The following TPTE variants were observed in gnomAD, a reference collection of about 807,000 sequenced individuals.
TPTE encodes putative tyrosine-protein phosphatase TPTE.
Under a neutral mutation model 84.1 loss-of-function variants are expected in TPTE, and 59 were observed. That is an observed-to-expected ratio of 0.70 (90% CI 0.57 to 0.87). TPTE has a LOEUF of 0.87. TPTE is among the 40% of genes least tolerant of loss of function. The pLI, the probability that TPTE is intolerant of heterozygous loss-of-function variation, is 0.00. For synonymous variants in TPTE, 130 were observed against 223.5 expected (o/e 0.58, Z 3.73); for missense variants, 382 against 659.6 (o/e 0.58, Z 4.61).
chr21:10,529,431 G>T (rs1488503333), intron 3 of TPTE, among the ~76,000 whole-genome samples: 3 of 152,310 alleles, frequency 2.0e-5, no homozygotes, highest in African/African-American at 4.8e-5. Flanking sequence ...TGTGAGAGGG[G>T]TGAGTTAACA....
intron 3 of TPTE, among the ~76,000 whole-genome samples, chr21:10,530,307 A>G (rs1256891619): frequency 2.0e-5 from 3 of 152,304 alleles, no homozygotes; most frequent in Non-Finnish European, 4.4e-5. Context: ...GAGAGTACAG[A>G]TATACATATT....
chr21:10,582,163 CA>C (rs371349156), intron 17 of TPTE, among the ~76,000 whole-genome samples: 137 of 152,032 alleles, frequency 9.0e-4, no homozygotes, highest in African/African-American at 2.8e-3. Flanking sequence ...CACATTTCTT[CA>C]AAAATATTCA....
At chr21:10,588,416 T>C (rs1325266342) in intron 17 of TPTE, among the ~76,000 whole-genome samples, 2 of 152,310 alleles carry the variant, frequency 1.3e-5, no homozygotes, top group Middle Eastern at 3.2e-3. Context: ...GTGTGTGATC[T>C]GGCCTTTTTC....
At chr21:10,583,278 G>T (rs1418900417) in intron 17 of TPTE, among the ~76,000 whole-genome samples, 1 of 152,308 alleles carries the variant, frequency 6.6e-6, no homozygotes, top group African/African-American at 2.4e-5. Flanking sequence ...GCCTTTGGGT[G>T]TTTGTGTGAT....
At chr21:10,560,057 A>C (rs1410958548) in intron 9 of TPTE, among the ~76,000 whole-genome samples, 1 of 152,298 alleles carries the variant, frequency 6.6e-6, no homozygotes, top group African/African-American at 2.4e-5. Context: ...CTAATTTATC[A>C]TGGAATTTTG....
intron 21 of TPTE, among the ~76,000 whole-genome samples, chr21:10,599,350 C>G (rs1245656299): frequency 6.6e-6 from 1 of 152,308 alleles, no homozygotes; most frequent in Non-Finnish European, 1.5e-5. Flanking sequence ...CTTTCTTTCT[C>G]CTTCTATAAT....
intron 7 of TPTE, among the ~76,000 whole-genome samples, chr21:10,547,592 C>T: frequency 6.6e-6 from 1 of 152,306 alleles, no homozygotes; most frequent in Non-Finnish European, 1.5e-5. Context: ...GAAGACTTCC[C>T]ACCCCCAGAG....
At chr21:10,534,884 C>T (rs1299408919) in intron 3 of TPTE, among the ~76,000 whole-genome samples, 1 of 152,302 alleles carries the variant, frequency 6.6e-6, no homozygotes, top group African/African-American at 2.4e-5. Context: ...TGTTGGATTG[C>T]CTGTGTATGA....
At chr21:10,581,880 G>A (rs1246592038) in intron 17 of TPTE, among the ~76,000 whole-genome samples, 3 of 152,300 alleles carry the variant, frequency 2.0e-5, no homozygotes, top group Non-Finnish European at 2.9e-5. Flanking sequence ...GACTACAGGT[G>A]AGCGTCACCA....
intron 17 of TPTE, among the ~76,000 whole-genome samples, chr21:10,589,783 C>T (rs1311183013): frequency 6.6e-6 from 1 of 152,310 alleles, no homozygotes; most frequent in Non-Finnish European, 1.5e-5. Flanking sequence ...TGCTTGCCTG[C>T]ATTGTCCTCC....
chr21:10,603,972 G>C (rs1978938550), intron 23 of TPTE, among the ~76,000 whole-genome samples: 1 of 152,306 alleles, frequency 6.6e-6, no homozygotes, highest in Admixed American at 6.5e-5. Flanking sequence ...GTCCCTGTCA[G>C]TAGGTGTTGA....
At chr21:10,542,372 T>C in intron 5 of TPTE, 23 bp from the exon 6 acceptor site, 2 of 1,609,616 alleles carry the variant, frequency 1.2e-6, no homozygotes, top group Admixed American at 3.3e-5. Flanking sequence ...CCTCTCTGAC[T>C]GTTTTCTCTT....
intron 13 of TPTE, 128 bp downstream of exon 13, chr21:10,569,874 G>C: frequency 6.3e-7 from 1 of 1,592,384 alleles, no homozygotes. Context: ...ATGCTACTGT[G>C]ATAGTGTGAC....
chr21:10,540,046 AAC>A (rs2074339672), intron 4 of TPTE, among the ~76,000 whole-genome samples: 1 of 152,302 alleles, frequency 6.6e-6, no homozygotes. Flanking sequence ...AAAAACAAAA[AAC>A]CAAAACAAAA....
intron 17 of TPTE, among the ~76,000 whole-genome samples, chr21:10,588,286 A>C (rs544887968): frequency 1.4e-4 from 22 of 152,396 alleles, no homozygotes; most frequent in Non-Finnish European, 2.5e-4. Flanking sequence ...TTTCTGTTTA[A>C]TTCTGCACCA....
intron 8 of TPTE, among the ~76,000 whole-genome samples, chr21:10,554,707 A>T (rs1483595622): frequency 6.6e-6 from 1 of 152,304 alleles, no homozygotes. Flanking sequence ...TTATTCTCAG[A>T]AAGTCCTTCT....
intron 3 of TPTE, among the ~76,000 whole-genome samples, chr21:10,528,847 A>G (rs1204307887): frequency 6.6e-6 from 1 of 152,310 alleles, no homozygotes; most frequent in Non-Finnish European, 1.5e-5. Context: ...AATACCCTTA[A>G]TATGGCCCAA....
intron 8 of TPTE, among the ~76,000 whole-genome samples, chr21:10,558,495 A>T (rs1312486259): frequency 6.6e-6 from 1 of 152,310 alleles, no homozygotes; most frequent in Non-Finnish European, 1.5e-5. Context: ...GCATTTCTCT[A>T]ATCTGTGATA....
chr21:10,582,217 TG>T (rs1266538945), intron 17 of TPTE, among the ~76,000 whole-genome samples: 1 of 152,306 alleles, frequency 6.6e-6, no homozygotes. Context: ...AATTGGAAGT[TG>T]GGGGAAGTGT....
Sources: allele counts gnomAD v4.1 joint callset (sites outside exome capture counted in the v4.1 genomes callset), GRCh38; gene constraint gnomAD v4.1.1; transcripts MANE v1.5; gene names NCBI Gene and HGNC (gene_info 2026-07-23, HGNC 2026-07-21).